Variants in USP14 observed in about 807,000 individuals in gnomAD.
The protein encoded by USP14 is ubiquitin specific peptidase 14, also known as ubiquitin carboxyl-terminal hydrolase 14.
A neutral mutation model predicts 76.5 loss-of-function variants in USP14; 38 were observed. That is an observed-to-expected ratio of 0.50 (90% CI 0.38 to 0.65). The LOEUF (loss-of-function observed/expected upper bound fraction) is 0.65. USP14 is among the 30% of genes least tolerant of loss of function. The pLI is 0.00. For synonymous variants in USP14, 192 were observed against 191.7 expected, an observed-to-expected ratio of 1.00 and a Z score of -0.01; for missense variants, 467 against 586.5, an observed-to-expected ratio of 0.80 and a Z score of 2.10.
intron 3 of USP14, among the ~76,000 whole-genome samples, chr18:173,186 G>A (rs925986558): frequency 6.6e-5 from 10 of 150,862 alleles, no homozygotes; most frequent in African/African-American, 1.2e-4. Context: ...TCGGCTCACT[G>A]CAAGCTCCAC....
chr18:184,339 T>G (rs1055112206), intron 5 of USP14, among the ~76,000 whole-genome samples: 1 of 152,156 alleles, frequency 6.6e-6, no homozygotes, highest in African/African-American at 2.4e-5. Context: ...TGGCACTAAC[T>G]GATAAAACAA....
chr18:211,040 C>G, intron 15 of USP14, 93 bp from the exon 16 acceptor site: 1 of 1,333,684 alleles, frequency 7.5e-7, no homozygotes, highest in Admixed American at 2.0e-5. Context: ...TGGAGCACTG[C>G]TGTGCCTCCG....
intron 3 of USP14, among the ~76,000 whole-genome samples, chr18:174,668 A>C (rs1211941632): frequency 1.3e-5 from 2 of 150,704 alleles, no homozygotes; most frequent in Non-Finnish European, 3.0e-5. Flanking sequence ...GCAGTGGCAC[A>C]ATCATAGCTC....
intron 3 of USP14, among the ~76,000 whole-genome samples, chr18:177,417 G>A (rs1909656546): frequency 7.7e-6 from 1 of 129,230 alleles, no homozygotes. Flanking sequence ...GTGAGTCCCT[G>A]TCTCTAAAAA....
rs1251453724 is a variant in USP14 at position 163,443 on chromosome 18, G to A, written c.152G>A (p.Gly51Glu). Residue 51 changes from glycine (G) to glutamate (E), a missense_variant, in exon 2 of 16, where the codon GGA becomes GAA. Physicochemically the swap from Gly to Glu is moderately conservative, Grantham distance 98. Transcript: ENST00000261601. Reference sequence around the variant, plus strand: ...AGACAGAAAGTTATGGTGAAAGGAGGAACGCTAAAGGTAAAATGTAGTCCA... The same window carrying A: ...AGACAGAAAGTTATGGTGAAAGGAGAAACGCTAAAGGTAAAATGTAGTCCA... The part of the protein sequence containing the change: ...PARQKVMVKG[G>E]TLKDDDWGNI... 2 of 1,612,742 alleles carry A rather than the reference G, an allele frequency of 1.2e-6. No individual in the cohort carries two copies. Among genetic ancestry groups the A allele is most frequent in the African/African-American group, 2.7e-5 (2 of 74,998 alleles).
intron 5 of USP14, among the ~76,000 whole-genome samples, chr18:192,109 C>G (rs934221619): frequency 6.6e-6 from 1 of 152,186 alleles, no homozygotes; most frequent in African/African-American, 2.4e-5. Flanking sequence ...CTTAAGTGAC[C>G]TATTTAATGA....
chr18:169,087 A>G (rs1010886497), intron 3 of USP14, among the ~76,000 whole-genome samples: 7 of 148,918 alleles, frequency 4.7e-5, no homozygotes, highest in Non-Finnish European at 7.4e-5. Context: ...AAAAAAAAAA[A>G]AGTGATAAGA....
At chr18:164,497 A>G (rs1485579796) in intron 2 of USP14, among the ~76,000 whole-genome samples, 2 of 150,882 alleles carry the variant, frequency 1.3e-5, no homozygotes, top group African/African-American at 4.9e-5. Flanking sequence ...CCTGTTGCCC[A>G]TGCTGGAGTG....
At chr18:195,931 G>A (rs148229204) in intron 6 of USP14, among the ~76,000 whole-genome samples, 518 of 152,248 alleles carry the variant, frequency 3.4e-3, no homozygotes, top group Middle Eastern at 0.027. Context: ...TACAGCTAGT[G>A]ATTGCTTTGT....
rs1397084665 is a variant in USP14 at position 207,047 on chromosome 18, TCAGCACCA to T, written c.1164+2356_1164+2363del. Among the ~76,000 whole-genome samples, 9 of 106,030 alleles carry T rather than the reference TCAGCACCA, an allele frequency of 8.5e-5. 1 individual carries two copies. The highest frequency in any genetic ancestry group is 2.0e-4 in the East Asian group (1 of 5,102). 69.6% of individuals were successfully genotyped at this position (106,030 alleles called of 152,430 possible). The stretch of plus-strand genomic sequence containing the variant: ...TTTTGCATGTGAATATCTGGTTGTC[TCAGCACCA>T]TTTTTTAAGAAGACTGTTCTTTGCC... On this transcript the variant is annotated intron_variant, in intron 13 of 15. Coordinates refer to ENST00000261601, the MANE Select transcript of USP14 (RefSeq NM_005151.4).
chr18:192,831 A>G lies in USP14; in HGVS notation c.405-11A>G, dbSNP rs1187275832. 2 of 1,613,144 alleles carry G rather than the reference A, an allele frequency of 1.2e-6. No homozygotes were observed. Among genetic ancestry groups the G allele is most frequent in the South Asian group, 1.1e-5 (1 of 90,928 alleles). On this transcript the variant is annotated splice_polypyrimidine_tract_variant and intron_variant, in intron 5 of 15. Coordinates refer to ENST00000261601, the MANE Select transcript of USP14 (RefSeq NM_005151.4). ...GAATTCTATTGTTTAACTCGGCTTT[A>G]ATGTTCCTAGGTATGCAGGTGCCTT... is the stretch of plus-strand genomic sequence containing the variant.
intron 13 of USP14, among the ~76,000 whole-genome samples, chr18:206,759 G>A (rs1910539220): frequency 6.6e-6 from 1 of 152,128 alleles, no homozygotes; most frequent in Non-Finnish European, 1.5e-5. Context: ...AAATTAGCTG[G>A]GTATGGTGGT....
At chr18:186,668 G>A (rs998770995) in intron 5 of USP14, among the ~76,000 whole-genome samples, 2 of 151,064 alleles carry the variant, frequency 1.3e-5, no homozygotes, top group African/African-American at 4.9e-5. Flanking sequence ...CAGGTGGGTC[G>A]CTTGAACCCG....
intron 11 of USP14, 48 bp from the exon 12 acceptor site, chr18:203,050 G>A (rs770454953): frequency 5.0e-6 from 8 of 1,604,356 alleles, no homozygotes; most frequent in Middle Eastern, 1.7e-4. Context: ...ATTAAAACTT[G>A]TATGGTATTT....
At chr18:166,592 C>T (rs1449909275) in intron 2 of USP14, among the ~76,000 whole-genome samples, 195 bp from the exon 3 acceptor site, 4 of 152,126 alleles carry the variant, frequency 2.6e-5, no homozygotes, top group Admixed American at 1.3e-4. Flanking sequence ...CTCAGCCTCC[C>T]AAAGTGCTGG....
intron 5 of USP14, among the ~76,000 whole-genome samples, chr18:189,617 G>T (rs1222964171): frequency 2.0e-5 from 3 of 152,016 alleles, no homozygotes; most frequent in Non-Finnish European, 4.4e-5. Flanking sequence ...TGAGTAGCTG[G>T]GACTACAGGC....
Position 211,536 on chromosome 18 carries a change from A to G in USP14, c.*252A>G. ...TTTTAAAAAGCTTATTATTTCTTGCATTATTTTAAAAAGTTCAGAGTTGAA... is the reference window on the plus strand; with the variant it reads ...TTTTAAAAAGCTTATTATTTCTTGCGTTATTTTAAAAAGTTCAGAGTTGAA... On this transcript the variant is annotated 3_prime_UTR_variant, in exon 16 of 16. Transcript: ENST00000261601. 9.3e-6 allele frequency: 3 copies of G among 321,310 alleles called. No individual in the cohort carries two copies. The highest frequency in any genetic ancestry group is 1.1e-5 in the Non-Finnish European group (2 of 178,316). 19.9% of individuals were successfully genotyped at this position (321,310 alleles called of 1,614,324 possible). A position where few individuals can be genotyped will look rare whatever the true frequency, so the allele number is the denominator to read the frequency against.
intron 12 of USP14, 108 bp from the exon 13 acceptor site, chr18:204,456 A>T: frequency 9.7e-7 from 1 of 1,035,090 alleles, no homozygotes; most frequent in Non-Finnish European, 1.3e-6. Context: ...CACAGATTTT[A>T]TTTTCAACTG....
At chr18:173,272 T>TG (rs1490451559) in intron 3 of USP14, among the ~76,000 whole-genome samples, 2 of 151,548 alleles carry the variant, frequency 1.3e-5, no homozygotes, top group Admixed American at 6.6e-5. Context: ...CACACCCGGC[T>TG]ATTTTTTTTG....
Sources: allele counts gnomAD v4.1 joint callset (sites outside exome capture counted in the v4.1 genomes callset), GRCh38; gene constraint gnomAD v4.1.1; transcripts MANE v1.5; gene names NCBI Gene and HGNC (gene_info 2026-07-23, HGNC 2026-07-21).